Variants in ETS2 observed in about 807,000 individuals in gnomAD.
The protein encoded by ETS2 is protein C-ets-2.
ETS2 carries 19 observed loss-of-function variants against 54.9 expected under a neutral mutation model. The ratio of observed to expected loss-of-function variants is 0.35; its 90% CI spans 0.24 to 0.51. The LOEUF (loss-of-function observed/expected upper bound fraction) is 0.51. Among genes scored for constraint, ETS2 ranks in the 20% least tolerant of loss-of-function variants. The pLI is 0.97. For synonymous variants in ETS2, 219 were observed against 229.3 expected, an observed-to-expected ratio of 0.95 and a Z score of 0.41; for missense variants, 417 against 593.0, an observed-to-expected ratio of 0.70 and a Z score of 3.08.
In ETS2 at chr21:38,821,461, C is replaced by G. The variant is rs2060957734; in HGVS notation, c.1076-125C>G. On this transcript the variant is annotated intron_variant, in intron 8 of 9. Coordinates refer to ENST00000360938, the MANE Select transcript of ETS2 (RefSeq NM_005239.6). The surrounding 1 kb of genome is among the most constrained non-coding windows in gnomAD (Gnocchi z 4.2). ...TTGAGTGCCACCCTGAGTGTAACAT[C>G]GGAACCCCATTCAGAGAGTTGGGTC... 2.6e-6 allele frequency: 2 copies of G among 756,216 alleles called. No homozygotes were observed. The highest frequency in any genetic ancestry group is 4.6e-6 in the Non-Finnish European group (2 of 430,878). The allele number at this position is 756,216 out of a possible 1,614,324, so 46.8% of individuals were successfully genotyped here.
intron 2 of ETS2, among the ~76,000 whole-genome samples, chr21:38,810,607 G>A (rs2060910441): frequency 6.6e-6 from 1 of 152,170 alleles, no homozygotes; most frequent in Admixed American, 6.5e-5. Flanking sequence ...CCAAAAACCA[G>A]ATGAAAAATG....
intron 2 of ETS2, among the ~76,000 whole-genome samples, chr21:38,811,173 GC>G (rs2060912417): frequency 7.0e-6 from 1 of 142,066 alleles, no homozygotes; most frequent in Non-Finnish European, 1.5e-5. Context: ...TTGTCTTTTG[GC>G]TTCCTGGCTT....
At chr21:38,820,854 T>G (rs1055892996) in intron 8 of ETS2, among the ~76,000 whole-genome samples, 1 of 152,238 alleles carries the variant, frequency 6.6e-6, no homozygotes, top group East Asian at 1.9e-4. Context: ...TTCTCCTGTT[T>G]GCTGTGATGG....
chr21:38,821,366 T>C lies in ETS2; in HGVS notation c.1076-220T>C, dbSNP rs1358479840. Among the ~76,000 whole-genome samples, 4 of 152,162 alleles carry C rather than the reference T, an allele frequency of 2.6e-5. No individual in the cohort carries two copies. The highest frequency in any genetic ancestry group is 5.9e-5 in the Non-Finnish European group (4 of 68,020). ...GACCTTATTTTCTAGGAGTAGGCAG[T>C]GTGGAGCAGGAACTCACATTTGGTG... On this transcript the variant is annotated intron_variant, in intron 8 of 9. Transcript: ENST00000360938. The surrounding 1 kb of genome is among the most constrained non-coding windows in gnomAD (Gnocchi z 4.2).
At chr21:38,812,023 G>A (rs554864435) in intron 2 of ETS2, among the ~76,000 whole-genome samples, 25 of 152,240 alleles carry the variant, frequency 1.6e-4, no homozygotes, top group African/African-American at 4.1e-4. Context: ...GCCTGGGGGC[G>A]GGGAGGGGGT....
At chr21:38,822,608 A>C in intron 9 of ETS2, 66 bp from the exon 10 acceptor site, 1 of 1,339,998 alleles carries the variant, frequency 7.5e-7, no homozygotes, top group Non-Finnish European at 1.1e-6. Context: ...ATCAGGGAGG[A>C]ATGTCATTCA....
upstream of ETS2, chr21:38,805,515 G>C: frequency 7.8e-7 from 1 of 1,287,668 alleles, no homozygotes; most frequent in East Asian, 5.6e-5. This position sits in a 1 kb window ranked among gnomAD's most constrained non-coding sequence, Gnocchi z 5.2. Context: ...CCGGCTCCCA[G>C]GGCGCACACT....
Position 38,809,936 on chromosome 21 carries a change from G to A in ETS2, c.1-99G>A, listed in dbSNP as rs1601425037. On this transcript the variant is annotated intron_variant, in intron 1 of 9. Coordinates refer to ENST00000360938, the MANE Select transcript of ETS2 (RefSeq NM_005239.6). ...GCATTCACTTTTGAATTACCTGTTA[G>A]CTGTAGAACTCAGCCAGGATCAAGT... 5 of 704,466 alleles carry A rather than the reference G, an allele frequency of 7.1e-6. No individual in the cohort carries two copies. In the East Asian group the frequency reaches 1.3e-4, roughly 18 times the overall value. The allele number at this position is 704,466 out of a possible 1,614,324, so 43.6% of individuals were successfully genotyped here.
chr21:38,810,225 C>A, intron 2 of ETS2, 119 bp downstream of exon 2: 1 of 598,898 alleles, frequency 1.7e-6, no homozygotes, highest in Non-Finnish European at 2.8e-6. Flanking sequence ...AATTTATTGG[C>A]CATGTGACTA....
At chr21:38,805,637 C>A (rs1241071409), upstream of ETS2, 1 of 1,211,972 alleles carries the variant, frequency 8.3e-7, no homozygotes, top group South Asian at 1.5e-5. This position sits in a 1 kb window ranked among gnomAD's most constrained non-coding sequence, Gnocchi z 5.2. Context: ...AAGGTGTCAG[C>A]CCCGCCCCGC....
At position 38,806,324 on chromosome 21, in the gene ETS2, T is replaced by C; in HGVS notation, c.-1+204T>C. On this transcript the variant is annotated intron_variant, in intron 1 of 9. Transcript: ENST00000360938. The surrounding 1 kb of genome is among the most constrained non-coding windows in gnomAD (Gnocchi z 4.3). ...GCCGGCTCGTTTTCCGGTTATGGAG[T>C]GGCCTCCGGGGCTGGCGGGGTCGGC... 1 of 953,996 alleles carries C rather than the reference T, an allele frequency of 1.0e-6. No individual in the cohort carries two copies. Among genetic ancestry groups the C allele is most frequent in the Non-Finnish European group, 1.2e-6 (1 of 802,082 alleles). The allele number at this position is 953,996 out of a possible 1,614,324, so 59.1% of individuals were successfully genotyped here.
In ETS2 at chr21:38,819,795, G is replaced by A. The variant is rs374518609; in HGVS notation, c.1075+29G>A. 1.3e-4 allele frequency: 200 copies of A among 1,596,614 alleles called. No homozygotes were observed. In the African/African-American group the frequency reaches 2.1e-3, roughly 17 times the overall value. ...TGTGTGGAACTCCGAGAGCCTGGCC[G>A]CCCAGTCTCCTGGGTCCTGTCCCTT... On this transcript the variant is annotated intron_variant, in intron 8 of 9. Transcript: ENST00000360938.
rs920495712 is a variant in ETS2, at chr21:38,821,353, TAGG to T, written c.1076-230_1076-228del. Among the ~76,000 whole-genome samples, 2 of 152,114 alleles carry T rather than the reference TAGG, an allele frequency of 1.3e-5. No homozygotes were observed. Among genetic ancestry groups the T allele is most frequent in the African/African-American group, 4.8e-5 (2 of 41,424 alleles). The stretch of plus-strand genomic sequence containing the variant: ...TGTCTCGCCTAGTGACCTTATTTTC[TAGG>T]AGTAGGCAGTGTGGAGCAGGAACTC... On this transcript the variant is annotated intron_variant, in intron 8 of 9. Coordinates refer to ENST00000360938, the MANE Select transcript of ETS2 (RefSeq NM_005239.6). This position sits in a 1 kb window ranked among gnomAD's most constrained non-coding sequence, Gnocchi z 4.2.
chr21:38,819,369 A>G, intron 7 of ETS2, 134 bp from the exon 8 acceptor site: 1 of 730,396 alleles, frequency 1.4e-6, no homozygotes, highest in Non-Finnish European at 2.4e-6. Context: ...AGTAGAGAGC[A>G]TTTTGAGAAG....
At chr21:38,819,890 C>A in intron 8 of ETS2, 124 bp downstream of exon 8, 1 of 927,542 alleles carries the variant, frequency 1.1e-6, no homozygotes, top group Non-Finnish European at 1.6e-6. Flanking sequence ...GTGCTCTACA[C>A]TCCATGTTTT....
At chr21:38,819,151 A>T (rs935518161) in intron 7 of ETS2, among the ~76,000 whole-genome samples, 2 of 152,064 alleles carry the variant, frequency 1.3e-5, no homozygotes, top group African/African-American at 4.8e-5. Flanking sequence ...ATTTTCTTGA[A>T]CTTTACATAG....
intron 5 of ETS2, among the ~76,000 whole-genome samples, chr21:38,815,988 A>T (rs911431448): frequency 8.2e-3 from 1 of 122 alleles, no homozygotes; most frequent in Admixed American, 0.083. Context: ...GGAAGGAAGG[A>T]AGGAAGGAAG....
In ETS2 at chr21:38,818,444, G is replaced by A. The variant is rs200961208; in HGVS notation, c.609G>A (p.Ala203=). The change falls in exon 7 of 10, where the codon GCG becomes GCA. Residue 203 remains alanine (A), a synonymous_variant. Transcript: ENST00000360938. ...TTCCAGGTTTTGGCACAGAGCAGGC[G>A]CCCTATGGAATGCAGACACAGAATT... ...SNTLGFGTEQ[A]PYGMQTQNYP... The A allele has an allele frequency of 6.8e-6, 11 of 1,613,978 alleles. No homozygotes were observed. Among genetic ancestry groups the A allele is most frequent in the Middle Eastern group, 1.7e-4 (1 of 6,060 alleles).
intron 3 of ETS2, 102 bp downstream of exon 3, chr21:38,813,216 A>G: frequency 1.3e-6 from 1 of 786,698 alleles, no homozygotes; most frequent in African/African-American, 1.7e-5. Context: ...GGTATCTGGA[A>G]TCTTTGATAT....
Sources: gnomAD v4.1 joint callset for allele counts (sites outside exome capture counted in the v4.1 genomes callset) on GRCh38, gnomAD v4.1.1 for gene constraint, Gnocchi (gnomAD v3.1) non-coding constraint, MANE v1.5 for transcripts, NCBI Gene and HGNC (gene_info 2026-07-23, HGNC 2026-07-21) for gene names.